SLC1A1: variants seen among roughly 807,000 people sequenced by gnomAD.
SLC1A1 encodes the protein solute carrier family 1 member 1.
SLC1A1 carries 43 observed loss-of-function variants against 53.3 expected under a neutral mutation model. That is an observed-to-expected ratio of 0.81 (90% CI 0.63 to 1.04). The LOEUF (loss-of-function observed/expected upper bound fraction) is 1.04. Ranked by LOEUF, SLC1A1 falls within the 50% of genes least tolerant of loss-of-function variation. The probability of loss-of-function intolerance (pLI) is 0.00; values close to 1 mark genes in which losing one functional copy is unlikely to be tolerated. For synonymous variants in SLC1A1, 307 were observed against 243.2 expected (o/e 1.26, Z -2.44); for missense variants, 748 against 664.9 (o/e 1.12, Z -1.37).
chr9:4,563,739 T>C (rs1281726216), intron 3 of SLC1A1, among the ~76,000 whole-genome samples: 1 of 152,228 alleles, frequency 6.6e-6, no homozygotes, highest in Non-Finnish European at 1.5e-5. Flanking sequence ...TGCTCTGCCA[T>C]GTAGACAGTT....
At chr9:4,496,256 T>C (rs1820415223) in intron 1 of SLC1A1, among the ~76,000 whole-genome samples, 1 of 151,998 alleles carries the variant, frequency 6.6e-6, no homozygotes, top group African/African-American at 2.4e-5. Flanking sequence ...TGAGAGGGTC[T>C]GAGGAGGAAG....
intron 2 of SLC1A1, among the ~76,000 whole-genome samples, chr9:4,559,312 C>T (rs930277309): frequency 9.2e-5 from 14 of 152,158 alleles, no homozygotes; most frequent in African/African-American, 3.4e-4. Context: ...AATCTTTTCT[C>T]AGTGGTTGAT....
intron 6 of SLC1A1, among the ~76,000 whole-genome samples, chr9:4,571,219 T>G (rs1820007108): frequency 6.6e-6 from 1 of 151,926 alleles, no homozygotes; most frequent in Non-Finnish European, 1.5e-5. Flanking sequence ...CAACACACAC[T>G]GGGGCCTATC....
At chr9:4,577,795 A>G (rs1421562563) in intron 10 of SLC1A1, among the ~76,000 whole-genome samples, 1 of 152,220 alleles carries the variant, frequency 6.6e-6, no homozygotes, top group East Asian at 1.9e-4. Context: ...TTACAAAGAT[A>G]AGCAGCAATA....
intron 1 of SLC1A1, among the ~76,000 whole-genome samples, chr9:4,505,083 G>T (rs1268573480): frequency 4.3e-5 from 5 of 115,492 alleles, no homozygotes; most frequent in South Asian, 2.9e-4. Flanking sequence ...GCCTCACTAT[G>T]TCGCCCAGGC....
At chr9:4,562,206 G>A (rs939463068) in intron 3 of SLC1A1, among the ~76,000 whole-genome samples, 4 of 151,306 alleles carry the variant, frequency 2.6e-5, no homozygotes, top group Non-Finnish European at 4.4e-5. Flanking sequence ...CGAGTAGCTG[G>A]GATTACAGGT....
chr9:4,500,381 T>TC (rs780261882), intron 1 of SLC1A1, among the ~76,000 whole-genome samples: 4 of 152,226 alleles, frequency 2.6e-5, no homozygotes, highest in South Asian at 2.1e-4. Context: ...CGATCTCGGC[T>TC]ACTGCAACCT....
chr9:4,532,598 G>C (rs574775930), intron 1 of SLC1A1, among the ~76,000 whole-genome samples: 26 of 152,304 alleles, frequency 1.7e-4, no homozygotes, highest in African/African-American at 6.3e-4. Flanking sequence ...TGTTGTACCT[G>C]AAAGTGATGG....
At chr9:4,499,395 G>C (rs1323382234) in intron 1 of SLC1A1, among the ~76,000 whole-genome samples, 2 of 152,146 alleles carry the variant, frequency 1.3e-5, no homozygotes, top group African/African-American at 2.4e-5. Flanking sequence ...GTACCTTAGA[G>C]AAGAGATCCT....
At chr9:4,535,625 C>T (rs1296793138) in intron 1 of SLC1A1, among the ~76,000 whole-genome samples, 1 of 152,124 alleles carries the variant, frequency 6.6e-6, no homozygotes, top group Non-Finnish European at 1.5e-5. Context: ...TGAAAACGGC[C>T]ATACTGCCCA....
chr9:4,547,384 C>G (rs1429221893), intron 2 of SLC1A1, among the ~76,000 whole-genome samples: 1 of 152,164 alleles, frequency 6.6e-6, no homozygotes, highest in Non-Finnish European at 1.5e-5. Flanking sequence ...CTAGAGGCAG[C>G]GAGCAAAACC....
At position 4,583,067 on chromosome 9, in the gene SLC1A1, C is replaced by A; in HGVS notation, c.1223C>A (p.Ala408Asp). Reference sequence around the variant, plus strand: ...ACGGCCACATCTGCCAGCATCGGAGCTGCTGGCGTGCCCCAGGCTGGCCTG... The same window carrying A: ...ACGGCCACATCTGCCAGCATCGGAGATGCTGGCGTGCCCCAGGCTGGCCTG... The part of the protein sequence containing the change: ...SITATSASIG[A>D]AGVPQAGLVT... Residue 408 changes from alanine (A) to aspartate (D), a missense_variant, in exon 11 of 12, where the codon GCT (alanine) becomes GAT (aspartate). By Grantham distance (126) the Ala-to-Asp change is moderately radical (BLOSUM62 -2). Transcript: ENST00000262352. This position sits in a 1 kb window ranked among gnomAD's most constrained non-coding sequence, Gnocchi z 4.6. 1 of 1,614,200 alleles carries A rather than the reference C, an allele frequency of 6.2e-7. No individual in the cohort carries two copies. The highest frequency in any genetic ancestry group is 1.1e-5 in the South Asian group (1 of 91,086).
At chr9:4,516,644 T>C (rs1564002723) in intron 1 of SLC1A1, among the ~76,000 whole-genome samples, 1 of 152,238 alleles carries the variant, frequency 6.6e-6, no homozygotes, top group Non-Finnish European at 1.5e-5. Context: ...TTCCCTATGC[T>C]AATCCATTCT....
intron 2 of SLC1A1, among the ~76,000 whole-genome samples, chr9:4,551,133 T>C (rs1817894504): frequency 6.6e-6 from 1 of 152,196 alleles, no homozygotes. Context: ...TAAAGTGCAG[T>C]TGGTGATAGT....
chr9:4,492,247 G>T (rs966286884), intron 1 of SLC1A1, among the ~76,000 whole-genome samples: 1 of 152,020 alleles, frequency 6.6e-6, no homozygotes, highest in African/African-American at 2.4e-5. Flanking sequence ...ATTTCCTTTA[G>T]GCCAAAGAGA....
At chr9:4,508,947 G>C (rs1445422781) in intron 1 of SLC1A1, among the ~76,000 whole-genome samples, 1 of 152,098 alleles carries the variant, frequency 6.6e-6, no homozygotes, top group African/African-American at 2.4e-5. Context: ...AAGGGAAGGA[G>C]AGCACGAATT....
chr9:4,576,861 A>T, intron 10 of SLC1A1, 98 bp downstream of exon 10: 5 of 1,072,614 alleles, frequency 4.7e-6, no homozygotes, highest in Non-Finnish European at 7.2e-6. Flanking sequence ...GCAGTGATGA[A>T]TTCTTTTTCT....
rs1817793457 is a variant in SLC1A1, at chr9:4,549,971, G to T, written c.232+5264G>T. On this transcript the variant is annotated intron_variant, in intron 2 of 11. Coordinates refer to ENST00000262352, the MANE Select transcript of SLC1A1 (RefSeq NM_004170.6). This position sits in a 1 kb window ranked among gnomAD's most constrained non-coding sequence, Gnocchi z 4.1. ...CCTAAAAACGCCTGCTCAAACAAGG[G>T]CACACACAGCTCCTCAAGAAACAGC... Among the ~76,000 whole-genome samples the T allele has an allele frequency of 6.6e-6, 1 of 152,102 alleles. No homozygotes were observed. The highest frequency in any genetic ancestry group is 1.5e-5 in the Non-Finnish European group (1 of 68,008).
At position 4,576,562 on chromosome 9, in the gene SLC1A1, C is replaced by G. The variant is rs1428050542; in HGVS notation, c.999-7C>G. On this transcript the variant is annotated splice_region_variant and splice_polypyrimidine_tract_variant and intron_variant, in intron 9 of 11. Transcript: ENST00000262352. ...GACATAAGTTCCTTTCTATTTTTAT[C>G]ACACAGTTCAGCAACACTGCCTGTC... The G allele has an allele frequency of 2.5e-6, 4 of 1,612,242 alleles. No individual in the cohort carries two copies. The African/African-American group carries it at 5.3e-5, about 22-fold the overall frequency.
Sources: allele counts gnomAD v4.1 joint callset (sites outside exome capture counted in the v4.1 genomes callset), GRCh38; gene constraint gnomAD v4.1.1; non-coding constraint Gnocchi (gnomAD v3.1); transcripts MANE v1.5; gene names NCBI Gene and HGNC (gene_info 2026-07-23, HGNC 2026-07-21).